Variants in TAFA4 observed in about 807,000 individuals in gnomAD.
The protein encoded by TAFA4 is chemokine-like protein TAFA-4.
A neutral mutation model predicts 21.1 loss-of-function variants in TAFA4; 20 were observed. The observed-to-expected ratio is 0.95, with a 90% CI of 0.67 to 1.38. TAFA4 has a LOEUF of 1.38. TAFA4 is among the 40% of genes most tolerant of loss of function. The probability of loss-of-function intolerance (pLI) is 0.00; values close to 1 mark genes in which losing one functional copy is unlikely to be tolerated. For missense variants in TAFA4, 211 were observed against 180.9 expected, an observed-to-expected ratio of 1.17 and a Z score of -0.95; for synonymous variants, 71 against 67.4, an observed-to-expected ratio of 1.05 and a Z score of -0.26.
At chr3:68,746,945 A>C (rs536440956) in intron 4 of TAFA4, among the ~76,000 whole-genome samples, 21 of 152,162 alleles carry the variant, frequency 1.4e-4, no homozygotes, top group Admixed American at 7.2e-4. Context: ...GTAAGGCAGC[A>C]CTTCCGGCCT....
intron 3 of TAFA4, among the ~76,000 whole-genome samples, chr3:68,761,792 T>C (rs62254083): frequency 0.28 from 43,292 of 152,130 alleles, 7,359 homozygotes; most frequent in Non-Finnish European, 0.39. Flanking sequence ...CCTGGAAAGC[T>C]GGTGGTGGCT....
At chr3:68,750,758 G>A (rs994355412) in intron 4 of TAFA4, among the ~76,000 whole-genome samples, 5 of 152,172 alleles carry the variant, frequency 3.3e-5, no homozygotes, top group African/African-American at 1.2e-4. Context: ...ACATTATTCT[G>A]GGTTAGACAA....
chr3:68,808,148 G>A (rs1703744370), intron 3 of TAFA4, among the ~76,000 whole-genome samples: 1 of 152,066 alleles, frequency 6.6e-6, no homozygotes, highest in Non-Finnish European at 1.5e-5. Flanking sequence ...GAAAAGAAAG[G>A]GGTTAAGTTA....
At chr3:68,865,219 T>C (rs1354657766) in intron 3 of TAFA4, among the ~76,000 whole-genome samples, 1 of 152,092 alleles carries the variant, frequency 6.6e-6, no homozygotes, top group Non-Finnish European at 1.5e-5. Context: ...CAAAAACAAA[T>C]ATTCAGCACT....
In TAFA4 at chr3:68,733,000, C is replaced by T. The variant is rs1702176380; in HGVS notation, c.*142G>A. 4.8e-6 allele frequency: 5 copies of T among 1,041,906 alleles called. No homozygotes were observed. The highest frequency in any genetic ancestry group is 7.0e-6 in the Non-Finnish European group (5 of 716,676). 64.5% of individuals were successfully genotyped at this position (1,041,906 alleles called of 1,614,324 possible). ...GAGGGCTGGGCCAGTTAAGTGAATG[C>T]CACCTCTCACAGCTCACATATACAA... On this transcript the variant is annotated 3_prime_UTR_variant, in exon 6 of 6. Transcript: ENST00000295569.
At chr3:68,741,891 C>A (rs1702363931) in intron 4 of TAFA4, among the ~76,000 whole-genome samples, 1 of 152,144 alleles carries the variant, frequency 6.6e-6, no homozygotes, top group Non-Finnish European at 1.5e-5. Context: ...GCCGGCATTA[C>A]CTTCATGCCA....
chr3:68,854,664 T>TG (rs1491352311), intron 3 of TAFA4, among the ~76,000 whole-genome samples: 2 of 120,738 alleles, frequency 1.7e-5, no homozygotes, highest in East Asian at 4.1e-4. Context: ...GTTTTTGTTA[T>TG]TTTTTTTTTT....
At chr3:68,744,456 G>A (rs1216961556) in intron 4 of TAFA4, among the ~76,000 whole-genome samples, 3 of 152,234 alleles carry the variant, frequency 2.0e-5, no homozygotes, top group Non-Finnish European at 4.4e-5. Context: ...TGCCAGAAGA[G>A]TTTGAGAAGA....
intron 3 of TAFA4, among the ~76,000 whole-genome samples, chr3:68,785,818 T>A (rs1402823294): frequency 6.6e-6 from 1 of 152,250 alleles, no homozygotes; most frequent in Non-Finnish European, 1.5e-5. Context: ...CTGTGAGGAC[T>A]GCCAGCACGC....
chr3:68,908,371 A>G (rs2089924413), intron 1 of TAFA4, among the ~76,000 whole-genome samples: 1 of 152,180 alleles, frequency 6.6e-6, no homozygotes, highest in Admixed American at 6.5e-5. Flanking sequence ...CCTAATCTCT[A>G]GTGGGAAGCC....
At chr3:68,923,720 G>A (rs1204256010) in intron 1 of TAFA4, among the ~76,000 whole-genome samples, 1 of 152,106 alleles carries the variant, frequency 6.6e-6, no homozygotes, top group Admixed American at 6.5e-5. Context: ...GTGGCAGGAG[G>A]AGGACTGTTA....
intron 1 of TAFA4, chr3:68,913,565 G>A (rs1359227378): frequency 6.6e-6 from 1 of 152,244 alleles, no homozygotes; most frequent in Non-Finnish European, 1.5e-5. Context: ...TTATTTAGCA[G>A]AATGGTTAAA....
intron 3 of TAFA4, among the ~76,000 whole-genome samples, chr3:68,847,345 A>G (rs1324527255): frequency 1.3e-5 from 2 of 152,242 alleles, no homozygotes; most frequent in Admixed American, 6.5e-5. Context: ...CTCAAGCCTC[A>G]GTAATGACGG....
At chr3:68,749,460 G>A (rs1702521488) in intron 4 of TAFA4, among the ~76,000 whole-genome samples, 3 of 152,118 alleles carry the variant, frequency 2.0e-5, no homozygotes, top group African/African-American at 7.2e-5. Flanking sequence ...CAGAGAATAG[G>A]TCTTCTCACA....
chr3:68,878,565 C>T (rs1290860172), intron 3 of TAFA4, among the ~76,000 whole-genome samples: 2 of 151,978 alleles, frequency 1.3e-5, no homozygotes, highest in Non-Finnish European at 2.9e-5. Context: ...AAAAAAGGAA[C>T]AAAAGGACAA....
intron 3 of TAFA4, among the ~76,000 whole-genome samples, chr3:68,808,437 A>G (rs1003364895): frequency 6.6e-6 from 1 of 152,204 alleles, no homozygotes; most frequent in African/African-American, 2.4e-5. Context: ...TTTCCAAATT[A>G]TCTTCAAGTG....
intron 3 of TAFA4, among the ~76,000 whole-genome samples, chr3:68,775,090 G>A (rs1339493467): frequency 6.6e-6 from 1 of 152,208 alleles, no homozygotes; most frequent in African/African-American, 2.4e-5. Flanking sequence ...CAGACCAGGG[G>A]AAGAAACGGT....
intron 1 of TAFA4, among the ~76,000 whole-genome samples, chr3:68,930,186 G>A (rs2090146174): frequency 6.6e-6 from 1 of 152,026 alleles, no homozygotes; most frequent in South Asian, 2.1e-4. Flanking sequence ...CAATACACAT[G>A]TCTAAAAAGA....
chr3:68,907,273 C>T (rs1037661029), intron 1 of TAFA4, among the ~76,000 whole-genome samples: 1 of 152,048 alleles, frequency 6.6e-6, no homozygotes, highest in African/African-American at 2.4e-5. Context: ...AAGGTGGAGG[C>T]AAAGATATGC....
Sources: gnomAD v4.1 joint callset for allele counts (sites outside exome capture counted in the v4.1 genomes callset) on GRCh38, gnomAD v4.1.1 for gene constraint, MANE v1.5 for transcripts, NCBI Gene and HGNC (gene_info 2026-07-23, HGNC 2026-07-21) for gene names.